FRMD5: variants seen among roughly 807,000 people sequenced by gnomAD.
The protein encoded by FRMD5 is FERM domain containing 5.
A neutral mutation model predicts 69.0 loss-of-function variants in FRMD5; 20 were observed. The ratio of observed to expected loss-of-function variants is 0.29; its 90% CI spans 0.20 to 0.42. The LOEUF (loss-of-function observed/expected upper bound fraction) is 0.42. FRMD5 is among the 10% of genes least tolerant of loss of function. The probability of loss-of-function intolerance (pLI) is 1.00; values close to 1 mark genes in which losing one functional copy is unlikely to be tolerated. For synonymous variants in FRMD5, 271 were observed against 260.1 expected, an observed-to-expected ratio of 1.04 and a Z score of -0.40; for missense variants, 595 against 708.6, an observed-to-expected ratio of 0.84 and a Z score of 1.82.
intron 1 of FRMD5, among the ~76,000 whole-genome samples, chr15:43,975,416 T>C (rs745638472): frequency 4.6e-5 from 7 of 152,294 alleles, no homozygotes; most frequent in Admixed American, 1.3e-4. Flanking sequence ...AGCAGAGATA[T>C]TCTTGGCAAA....
chr15:44,194,739 G>T (rs1305851314), intron 1 of FRMD5: 9 of 652,050 alleles, frequency 1.4e-5, no homozygotes, highest in Non-Finnish European at 2.5e-5. Flanking sequence ...GCGGAGACTC[G>T]CCCCGCGGCG....
intron 1 of FRMD5, among the ~76,000 whole-genome samples, chr15:44,134,956 G>A (rs1048318634): frequency 6.6e-6 from 1 of 152,180 alleles, no homozygotes; most frequent in Non-Finnish European, 1.5e-5. Flanking sequence ...CAAGGAAAGA[G>A]CAACAAGAAA....
intron 1 of FRMD5, among the ~76,000 whole-genome samples, chr15:44,051,040 T>C (rs1892640008): frequency 6.6e-6 from 1 of 151,614 alleles, no homozygotes; most frequent in South Asian, 2.1e-4. Context: ...AGCAAATAAT[T>C]AGATCCTAAA....
At chr15:43,886,418 A>G (rs1246362648) in intron 10 of FRMD5, among the ~76,000 whole-genome samples, 3 of 152,138 alleles carry the variant, frequency 2.0e-5, no homozygotes, top group East Asian at 1.9e-4. Flanking sequence ...CCCCCAGGAT[A>G]TCTATTTTAT....
At chr15:44,073,896 T>C (rs1236796595) in intron 1 of FRMD5, among the ~76,000 whole-genome samples, 1 of 152,182 alleles carries the variant, frequency 6.6e-6, no homozygotes, top group Non-Finnish European at 1.5e-5. Flanking sequence ...AATGACATTA[T>C]ATATAACTAG....
At chr15:44,156,901 A>G (rs1288934202) in intron 1 of FRMD5, among the ~76,000 whole-genome samples, 1 of 152,122 alleles carries the variant, frequency 6.6e-6, no homozygotes, top group Non-Finnish European at 1.5e-5. Context: ...ATTTTGTCCC[A>G]AAATATATAT....
chr15:44,098,964 A>G (rs1348403491), intron 1 of FRMD5, among the ~76,000 whole-genome samples: 3 of 152,206 alleles, frequency 2.0e-5, no homozygotes, highest in South Asian at 2.1e-4. Context: ...ACATGTTTAT[A>G]AAGTTGAGCA....
chr15:44,198,866 G>A (rs1416051561), upstream of FRMD5, among the ~76,000 whole-genome samples: 1 of 152,110 alleles, frequency 6.6e-6, no homozygotes, highest in Non-Finnish European at 1.5e-5. Context: ...GTATAAAGGA[G>A]GCCACATTTA....
At chr15:43,997,186 G>C (rs544378665) in intron 1 of FRMD5, among the ~76,000 whole-genome samples, 96 of 152,256 alleles carry the variant, frequency 6.3e-4, no homozygotes, top group African/African-American at 2.2e-3. Flanking sequence ...CTCTTATGAT[G>C]ATAAAGGCCT....
rs889273907 is a variant in FRMD5, at chr15:44,081,592, G to A, written c.102+113361C>T. ...ATTTCACGTTTACTGAGATCCTATG[G>A]GATTCTTTCTCTGTGCTTTGGAACT... is the stretch of plus-strand genomic sequence containing the variant. On this transcript the variant is annotated intron_variant, in intron 1 of 13. Coordinates refer to ENST00000417257, the MANE Select transcript of FRMD5 (RefSeq NM_032892.5). Among the ~76,000 whole-genome samples, 6 of 151,868 alleles carry A rather than the reference G, an allele frequency of 4.0e-5. No individual in the cohort carries two copies. The East Asian group carries it at 1.2e-3, about 29-fold the overall frequency.
At chr15:43,886,004 C>G (rs1465476771) in intron 10 of FRMD5, among the ~76,000 whole-genome samples, 2 of 152,188 alleles carry the variant, frequency 1.3e-5, no homozygotes, top group Non-Finnish European at 2.9e-5. Context: ...AAGGCTCCCC[C>G]AAAATGCTTC....
chr15:43,891,974 T>A lies in FRMD5; in HGVS notation c.728+7A>T. 6.2e-7 allele frequency: 1 copy of A among 1,611,298 alleles called. No individual in the cohort carries two copies. Among genetic ancestry groups the A allele is most frequent in the East Asian group, 2.2e-5 (1 of 44,860 alleles). On this transcript the variant is annotated splice_region_variant and intron_variant, in intron 8 of 13. Coordinates refer to ENST00000417257, the MANE Select transcript of FRMD5 (RefSeq NM_032892.5). ...AAAGAGCCTATTTTGGAAATGAAGA[T>A]GCTCACCATTTAATGAAGTGGACCC...
intron 1 of FRMD5, among the ~76,000 whole-genome samples, chr15:44,030,584 G>A (rs567556655): frequency 6.6e-5 from 10 of 152,072 alleles, no homozygotes; most frequent in Non-Finnish European, 1.3e-4. Flanking sequence ...AAAACCCTAT[G>A]CTAGGAAAAA....
intron 1 of FRMD5, among the ~76,000 whole-genome samples, chr15:44,029,804 C>A (rs963598952): frequency 1.3e-5 from 2 of 152,152 alleles, no homozygotes; most frequent in African/African-American, 4.8e-5. Flanking sequence ...GTGGAGCATA[C>A]GCAATGCTAA....
intron 1 of FRMD5, among the ~76,000 whole-genome samples, chr15:44,182,174 C>A (rs545785382): frequency 1.3e-5 from 2 of 151,342 alleles, no homozygotes; most frequent in Non-Finnish European, 2.9e-5. Flanking sequence ...CCATGCCTGG[C>A]TAAGTTTTAT....
chr15:44,120,451 T>C (rs2076931275), intron 1 of FRMD5, among the ~76,000 whole-genome samples: 1 of 151,800 alleles, frequency 6.6e-6, no homozygotes, highest in African/African-American at 2.4e-5. Flanking sequence ...AGAAGAATTA[T>C]AGAATAAGTA....
chr15:43,924,415 T>A (rs1223867582), intron 1 of FRMD5, 106 bp from the exon 2 acceptor site: 2 of 726,912 alleles, frequency 2.8e-6, no homozygotes, highest in East Asian at 5.2e-5. Flanking sequence ...CATGTGTCTA[T>A]GAAAGGGGTG....
intron 1 of FRMD5, among the ~76,000 whole-genome samples, chr15:44,097,432 A>G (rs1424357772): frequency 1.3e-5 from 2 of 152,218 alleles, no homozygotes; most frequent in Non-Finnish European, 2.9e-5. Context: ...AACCCTTAGA[A>G]TGACATGGCT....
At position 43,884,777 on chromosome 15, in the gene FRMD5, T is replaced by G; in HGVS notation, c.978A>C (p.Glu326Asp). Reference sequence around the variant, plus strand: ...TGATCTTAGCACTTGATTCCATGACTTCCTTTGCAACTCGGCCACTGTAAG... The same window carrying G: ...TGATCTTAGCACTTGATTCCATGACGTCCTTTGCAACTCGGCCACTGTAAG... ...RFRYSGRVAK[E>D]VMESSAKIKR... The change falls in exon 12 of 14, where the codon GAA becomes GAC. Residue 326 changes from glutamate (E) to aspartate (D), a missense_variant. Glu to Asp is a conservative substitution (Grantham distance 45). This residue lies in a region of FRMD5 where 176 missense variants were observed against 266.3 expected (regional missense o/e 0.66). Transcript: ENST00000417257. 1 of 1,614,158 alleles carries G rather than the reference T, an allele frequency of 6.2e-7. No individual in the cohort carries two copies. The highest frequency in any genetic ancestry group is 8.5e-7 in the Non-Finnish European group (1 of 1,179,980).
Sources: gnomAD v4.1 joint callset for allele counts (sites outside exome capture counted in the v4.1 genomes callset) on GRCh38, gnomAD v4.1.1 for gene constraint, gnomAD v4.1.1 regional missense constraint, MANE v1.5 for transcripts, NCBI Gene and HGNC (gene_info 2026-07-23, HGNC 2026-07-21) for gene names.